Variants in WDR7 observed in about 807,000 individuals in gnomAD.
WDR7 encodes the protein WD repeat domain 7, also known as WD repeat-containing protein 7.
WDR7 carries 46 observed loss-of-function variants against 169.4 expected under a neutral mutation model. The observed-to-expected ratio is 0.27, with a 90% CI of 0.21 to 0.35. WDR7 has a LOEUF of 0.35. Ranked by LOEUF, WDR7 falls within the 10% of genes least tolerant of loss-of-function variation. The pLI, the probability that WDR7 is intolerant of heterozygous loss-of-function variation, is 1.00. For missense variants in WDR7, 1,534 were observed against 1,859.3 expected, an observed-to-expected ratio of 0.83 and a Z score of 3.22; for synonymous variants, 612 against 666.8, an observed-to-expected ratio of 0.92 and a Z score of 1.27.
intron 19 of WDR7, among the ~76,000 whole-genome samples, chr18:56,808,046 A>T (rs575237526): frequency 6.6e-6 from 1 of 152,270 alleles, no homozygotes; most frequent in African/African-American, 2.4e-5. Flanking sequence ...GCTGATGTGG[A>T]TGTAGGCAGC....
rs199960878 is a variant in WDR7, at chr18:56,962,575, T to C, written c.4164+46T>C. 27 of 1,567,042 alleles carry C rather than the reference T, an allele frequency of 1.7e-5. No homozygotes were observed. In the East Asian group the frequency reaches 3.4e-4, roughly 20 times the overall value. Reference sequence around the variant, plus strand: ...TCCTCTCCATAAAGCGTGGAAGTTATTGAAAGGAGAGAGAGACTAGCACTT... The same window carrying C: ...TCCTCTCCATAAAGCGTGGAAGTTACTGAAAGGAGAGAGAGACTAGCACTT... On this transcript the variant is annotated intron_variant, in intron 26 of 27. Coordinates refer to ENST00000254442, the MANE Select transcript of WDR7 (RefSeq NM_015285.3).
chr18:56,672,703 T>G lies in WDR7; in HGVS notation c.159+29T>G, dbSNP rs746589314. 3 of 1,553,130 alleles carry G rather than the reference T, an allele frequency of 1.9e-6. No homozygotes were observed. The African/African-American group carries it at 4.2e-5, about 22-fold the overall frequency. Reference sequence around the variant, plus strand: ...AGTATGTGAAATGCCTATTATACATTTTAGATATAAAAATCTACTTATTAG... The same window carrying G: ...AGTATGTGAAATGCCTATTATACATGTTAGATATAAAAATCTACTTATTAG... On this transcript the variant is annotated intron_variant, in intron 2 of 27. Transcript: ENST00000254442.
At chr18:56,780,641 C>CAA (rs146641560) in intron 18 of WDR7, among the ~76,000 whole-genome samples, 2 of 150,930 alleles carry the variant, frequency 1.3e-5, no homozygotes, top group African/African-American at 4.9e-5. Context: ...ACTAAAAATA[C>CAA]AAAAAAAAAT....
intron 1 of WDR7, among the ~76,000 whole-genome samples, chr18:56,657,954 T>TTA (rs2024814792): frequency 6.6e-6 from 1 of 152,132 alleles, no homozygotes; most frequent in African/African-American, 2.4e-5. Context: ...TGGCTGTTGA[T>TTA]TACTTGAGTT....
chr18:56,737,540 T>C (rs2026727031), intron 14 of WDR7, among the ~76,000 whole-genome samples: 1 of 152,194 alleles, frequency 6.6e-6, no homozygotes, highest in Non-Finnish European at 1.5e-5. Flanking sequence ...TCTTTTACCT[T>C]ACATTTCTCT....
At chr18:56,805,486 AGATTTCAACATTTAG>A (rs2044757862) in intron 19 of WDR7, among the ~76,000 whole-genome samples, 1 of 152,066 alleles carries the variant, frequency 6.6e-6, no homozygotes, top group Non-Finnish European at 1.5e-5. Context: ...CCATCTTTCG[AGATTTCAACATTTAG>A]GATTATGGCA....
chr18:56,899,971 C>T (rs1242649399), intron 21 of WDR7, among the ~76,000 whole-genome samples: 1 of 151,388 alleles, frequency 6.6e-6, no homozygotes, highest in African/African-American at 2.4e-5. Flanking sequence ...CTGATTTATG[C>T]TCCAAACCTG....
intron 26 of WDR7, among the ~76,000 whole-genome samples, chr18:56,977,544 G>T (rs2047585465): frequency 6.6e-6 from 1 of 152,230 alleles, no homozygotes; most frequent in Admixed American, 6.5e-5. Flanking sequence ...AGAGTGAGCT[G>T]TTAAGCAGCT....
intron 16 of WDR7, among the ~76,000 whole-genome samples, chr18:56,775,901 G>C (rs1199452979): frequency 6.6e-6 from 1 of 152,188 alleles, no homozygotes; most frequent in African/African-American, 2.4e-5. Flanking sequence ...AATGACAGAA[G>C]AAAGGAGAGG....
In WDR7 at chr18:56,976,829, A is replaced by G. The variant is rs1366232187; in HGVS notation, c.4164+14300A>G. ...ATTGACTGAGATTCATTCCTGAGAG[A>G]AAAGAGGGCCTCACCCTTCCCTGAG... On this transcript the variant is annotated intron_variant, in intron 26 of 27. Transcript: ENST00000254442. Among the ~76,000 whole-genome samples the G allele has an allele frequency of 4.6e-5, 7 of 152,336 alleles. No individual in the cohort carries two copies. In the East Asian group the frequency reaches 1.3e-3, roughly 29 times the overall value.
intron 2 of WDR7, among the ~76,000 whole-genome samples, chr18:56,674,447 C>T (rs559856983): frequency 1.3e-5 from 2 of 152,158 alleles, no homozygotes; most frequent in East Asian, 3.9e-4. Flanking sequence ...GGCAAACTGT[C>T]TATTCAGAGT....
intron 21 of WDR7, among the ~76,000 whole-genome samples, chr18:56,885,301 G>GA (rs1475892618): frequency 2.0e-5 from 3 of 152,012 alleles, no homozygotes; most frequent in Non-Finnish European, 2.9e-5. Context: ...TGAATTGCCA[G>GA]AAAAAGAATT....
rs2048380948 is a variant in WDR7 at position 57,027,320 on chromosome 18, A to G, written c.*113A>G. On this transcript the variant is annotated 3_prime_UTR_variant, in exon 28 of 28. Transcript: ENST00000254442. ...CCAGGGGCCTGCCCACCCCAGTGCC[A>G]TCCAGTGGCACGGCCGGGTCTTGTC... The G allele has an allele frequency of 7.5e-7, 1 of 1,335,792 alleles. No individual in the cohort carries two copies. The highest frequency in any genetic ancestry group is 1.0e-6 in the Non-Finnish European group (1 of 990,230). The allele number at this position is 1,335,792 out of a possible 1,614,324, so 82.7% of individuals were successfully genotyped here.
At chr18:57,032,499 C>G (rs1371756304), downstream of WDR7, 1 of 152,204 alleles carries the variant, frequency 6.6e-6, no homozygotes, top group African/African-American at 2.4e-5. Flanking sequence ...GGCTGCACAG[C>G]AGGAGGTGAG....
chr18:56,772,205 A>G (rs2044175848), intron 16 of WDR7, among the ~76,000 whole-genome samples: 2 of 152,144 alleles, frequency 1.3e-5, no homozygotes, highest in African/African-American at 4.8e-5. Flanking sequence ...CTATTACTAT[A>G]TAGAGTACCT....
intron 26 of WDR7, among the ~76,000 whole-genome samples, chr18:57,016,772 G>A (rs1265720401): frequency 1.3e-5 from 2 of 152,100 alleles, no homozygotes; most frequent in African/African-American, 2.4e-5. Context: ...ATGAGAAAAA[G>A]GGGTGGGGGT....
intron 21 of WDR7, among the ~76,000 whole-genome samples, chr18:56,923,022 CCT>C (rs2046748888): frequency 6.6e-6 from 1 of 152,124 alleles, no homozygotes; most frequent in Admixed American, 6.6e-5. Flanking sequence ...TGGTTAATTC[CCT>C]GTCTTAAACC....
At chr18:56,733,321 C>G (rs1568164414) in intron 14 of WDR7, among the ~76,000 whole-genome samples, 1 of 152,120 alleles carries the variant, frequency 6.6e-6, no homozygotes, top group Non-Finnish European at 1.5e-5. Flanking sequence ...ATTTCTCTAA[C>G]TATTTTCTCA....
At chr18:56,933,590 G>T (rs1047843807) in intron 22 of WDR7, among the ~76,000 whole-genome samples, 1 of 152,158 alleles carries the variant, frequency 6.6e-6, no homozygotes, top group African/African-American at 2.4e-5. Context: ...TTCTCTCAAA[G>T]ATGCAATCTA....
Sources: gnomAD v4.1 joint callset for allele counts (sites outside exome capture counted in the v4.1 genomes callset) on GRCh38, gnomAD v4.1.1 for gene constraint, MANE v1.5 for transcripts, NCBI Gene and HGNC (gene_info 2026-07-23, HGNC 2026-07-21) for gene names.